The following STXBP4 variants were observed in gnomAD, a reference collection of about 807,000 sequenced individuals.
The protein encoded by STXBP4 is syntaxin-binding protein 4.
In STXBP4, 55 loss-of-function variants were observed where a neutral mutation model predicts 76.1. That is an observed-to-expected ratio of 0.72 (90% CI 0.58 to 0.91). STXBP4 has a LOEUF of 0.91. Ranked by LOEUF, STXBP4 falls within the 40% of genes least tolerant of loss-of-function variation. The pLI is 0.00. For missense variants in STXBP4, 618 were observed against 636.9 expected (o/e 0.97, Z 0.32); for synonymous variants, 201 against 220.2 (o/e 0.91, Z 0.77).
At chr17:55,037,483 G>T (rs2144713211) in intron 10 of STXBP4, among the ~76,000 whole-genome samples, 1 of 144,702 alleles carries the variant, frequency 6.9e-6, no homozygotes, top group South Asian at 2.3e-4. Context: ...TTTGGAAGTT[G>T]TTGGGATTAA....
intron 1 of STXBP4, among the ~76,000 whole-genome samples, chr17:54,974,284 T>C (rs944156557): frequency 1.8e-4 from 28 of 152,346 alleles, no homozygotes; most frequent in African/African-American, 6.5e-4. Flanking sequence ...TTTGAATAAA[T>C]AGTAAGTACA....
chr17:55,183,499 T>C, the STXBP4 span, among the ~76,000 whole-genome samples: 1 of 152,190 alleles, frequency 6.6e-6, no homozygotes, highest in Non-Finnish European at 1.5e-5. Context: ...AGAAAGCTCA[T>C]GTTAAAATGA....
At chr17:55,133,569 G>A (rs896296437) in intron 16 of STXBP4, among the ~76,000 whole-genome samples, 2 of 152,190 alleles carry the variant, frequency 1.3e-5, no homozygotes, top group African/African-American at 4.8e-5. Context: ...GAAGGACACA[G>A]AGGAGTTGAA....
intron 16 of STXBP4, among the ~76,000 whole-genome samples, chr17:55,126,779 A>C (rs1368551587): frequency 1.3e-5 from 2 of 152,186 alleles, no homozygotes; most frequent in Admixed American, 6.5e-5. Context: ...AGTGATGAGC[A>C]TTGCAGGTAG....
intron 17 of STXBP4, among the ~76,000 whole-genome samples, chr17:55,144,005 G>GCGCACACACACA (rs373154905): frequency 2.2e-5 from 3 of 138,858 alleles, no homozygotes; most frequent in African/African-American, 8.2e-5. Context: ...AAAGCCACCT[G>GCGCACACACACA]CACACACACA....
At chr17:55,108,179 C>T (rs529699340) in intron 16 of STXBP4, among the ~76,000 whole-genome samples, 5 of 152,266 alleles carry the variant, frequency 3.3e-5, no homozygotes, top group South Asian at 2.1e-4. Context: ...TGTGCCAGTT[C>T]GAACTTCCTG....
chr17:55,079,886 C>T (rs898651973), intron 15 of STXBP4, among the ~76,000 whole-genome samples: 1 of 152,076 alleles, frequency 6.6e-6, no homozygotes, highest in Admixed American at 6.6e-5. Context: ...ATTTATAATT[C>T]ACTTCTAAAC....
intron 16 of STXBP4, among the ~76,000 whole-genome samples, chr17:55,097,942 C>T (rs970639528): frequency 6.6e-6 from 1 of 152,200 alleles, no homozygotes; most frequent in Admixed American, 6.5e-5. Flanking sequence ...GCTAATGTAT[C>T]TGAAGTGGCC....
At chr17:55,206,108 A>G in the STXBP4 span, among the ~76,000 whole-genome samples, 1 of 152,152 alleles carries the variant, frequency 6.6e-6, no homozygotes, top group Admixed American at 6.6e-5. Context: ...ATTTTATAGT[A>G]TGATGTCTTT....
At chr17:55,041,324 C>T (rs2078696273) in intron 10 of STXBP4, among the ~76,000 whole-genome samples, 1 of 151,408 alleles carries the variant, frequency 6.6e-6, no homozygotes, top group Non-Finnish European at 1.5e-5. Context: ...TTGACCTCCC[C>T]ACCCATCTCA....
At chr17:55,184,227 G>A in the STXBP4 span, among the ~76,000 whole-genome samples, 5 of 151,994 alleles carry the variant, frequency 3.3e-5, no homozygotes, top group East Asian at 1.9e-4. Context: ...AAAAGAGGTT[G>A]TAGAGGGCAA....
At chr17:54,992,901 CAG>C (rs2077741507) in intron 4 of STXBP4, among the ~76,000 whole-genome samples, 1 of 151,810 alleles carries the variant, frequency 6.6e-6, no homozygotes, top group Admixed American at 6.6e-5. Context: ...TTAGTAGAGA[CAG>C]AGTTTCACCA....
Position 55,164,674 on chromosome 17 carries a change from G to A in STXBP4, c.*4763G>A, listed in dbSNP as rs375594077. On this transcript the variant is annotated 3_prime_UTR_variant, in exon 18 of 18. Coordinates refer to ENST00000376352, the MANE Select transcript of STXBP4 (RefSeq NM_178509.6). ...TCACCTTGTTAGCCAGGATGGTCTC[G>A]ATCTCCTGACCTCATGATCCACCCG... 1.6e-4 allele frequency: 24 copies of A among 150,336 alleles called. No homozygotes were observed. Among genetic ancestry groups the A allele is most frequent in the African/African-American group, 5.6e-4 (23 of 40,932 alleles). The allele number at this position is 150,336 out of a possible 1,614,324, so 9.3% of individuals were successfully genotyped here.
chr17:55,043,213 C>G, intron 10 of STXBP4, 23 bp from the exon 11 acceptor site: 1 of 1,346,580 alleles, frequency 7.4e-7, no homozygotes, highest in Non-Finnish European at 9.9e-7. Context: ...CACAACTTTT[C>G]TCTTATATTT....
rs1394528208 is a variant in STXBP4 at position 55,162,231 on chromosome 17, A to C, written c.*2320A>C. 6.6e-6 allele frequency: 1 copy of C among 152,222 alleles called. No homozygotes were observed. The highest frequency in any genetic ancestry group is 1.9e-4 in the East Asian group (1 of 5,196). The allele number at this position is 152,222 out of a possible 1,614,324, so 9.4% of individuals were successfully genotyped here. On this transcript the variant is annotated 3_prime_UTR_variant, in exon 18 of 18. Transcript: ENST00000376352. ...TGCCATAAGAGATGCTCAAAAAAGC[A>C]TGGTCAGGGCTTAGCAAGAATCCTT...
chr17:55,198,304 G>C, the STXBP4 span, among the ~76,000 whole-genome samples: 5 of 152,172 alleles, frequency 3.3e-5, no homozygotes, highest in Admixed American at 6.5e-5. Flanking sequence ...ACTTAGGTGT[G>C]GAAAGTTGGG....
At position 55,000,348 on chromosome 17, in the gene STXBP4, C is replaced by G. The variant is rs1226607150; in HGVS notation, c.499-460C>G. ...GAATTTCTATATCAGAATTAACATA[C>G]TCAATTACTAACTGCTATATTATCT... On this transcript the variant is annotated intron_variant, in intron 6 of 17. Coordinates refer to ENST00000376352, the MANE Select transcript of STXBP4 (RefSeq NM_178509.6). 24 of 724,896 alleles carry G rather than the reference C, an allele frequency of 3.3e-5. No homozygotes were observed. The South Asian group carries it at 1.1e-3, about 34-fold the overall frequency. The allele number at this position is 724,896 out of a possible 1,614,324, so 44.9% of individuals were successfully genotyped here. A position where few individuals can be genotyped will look rare whatever the true frequency, so the allele number is the denominator to read the frequency against.
At chr17:55,066,195 G>GTTGTTTTGTTTTGTT (rs4048521) in intron 12 of STXBP4, among the ~76,000 whole-genome samples, 105 of 149,088 alleles carry the variant, frequency 7.0e-4, no homozygotes, top group African/African-American at 2.4e-3. Context: ...TGTGGGTTTT[G>GTTGTTTTGTTTTGTT]TTGTTTTGTT....
At chr17:54,980,799 T>C (rs941864303) in intron 1 of STXBP4, among the ~76,000 whole-genome samples, 1 of 152,234 alleles carries the variant, frequency 6.6e-6, no homozygotes, top group African/African-American at 2.4e-5. Context: ...ACAAGGTCAC[T>C]GTGAAGGCAA....
Sources: gnomAD v4.1 joint callset for allele counts (sites outside exome capture counted in the v4.1 genomes callset) on GRCh38, gnomAD v4.1.1 for gene constraint, MANE v1.5 for transcripts, NCBI Gene and HGNC (gene_info 2026-07-23, HGNC 2026-07-21) for gene names.